The following DSCAM variants were observed in gnomAD, a reference collection of about 807,000 sequenced individuals.
DSCAM encodes cell adhesion molecule DSCAM.
Under a neutral mutation model 217.7 loss-of-function variants are expected in DSCAM, and 47 were observed. That is an observed-to-expected ratio of 0.22 (90% CI 0.17 to 0.28). The LOEUF (loss-of-function observed/expected upper bound fraction) is 0.28, where lower values mean the gene tolerates loss of function less well. DSCAM is among the 10% of genes least tolerant of loss of function. The pLI, the probability that DSCAM is intolerant of heterozygous loss-of-function variation, is 1.00. For synonymous variants in DSCAM, 1,056 were observed against 1,015.3 expected (o/e 1.04, Z -0.76); for missense variants, 2,080 against 2,618.3 (o/e 0.79, Z 4.49).
intron 16 of DSCAM, among the ~76,000 whole-genome samples, chr21:40,165,450 T>C (rs2205143): frequency 0.17 from 26,007 of 152,182 alleles, 2,598 homozygotes; most frequent in East Asian, 0.35. Context: ...ACTACAGAGA[T>C]AGATTGCACT....
intron 3 of DSCAM, among the ~76,000 whole-genome samples, chr21:40,414,303 T>G (rs1020778108): frequency 6.6e-6 from 1 of 152,208 alleles, no homozygotes; most frequent in Non-Finnish European, 1.5e-5. Context: ...AAGTCTTCTT[T>G]GCCATTTACA....
intron 3 of DSCAM, among the ~76,000 whole-genome samples, chr21:40,453,462 A>C (rs1249991171): frequency 1.3e-5 from 2 of 152,208 alleles, no homozygotes; most frequent in Non-Finnish European, 2.9e-5. Context: ...AAACGCCTGC[A>C]ACAACAAAAT....
At chr21:40,588,158 C>G (rs983097602) in intron 3 of DSCAM, among the ~76,000 whole-genome samples, 1 of 152,102 alleles carries the variant, frequency 6.6e-6, no homozygotes, top group African/African-American at 2.4e-5. Flanking sequence ...TTGGCGGGCC[C>G]CTCAGCTGCT....
intron 1 of DSCAM, among the ~76,000 whole-genome samples, chr21:40,763,614 C>CA (rs2091358400): frequency 6.6e-6 from 1 of 152,064 alleles, no homozygotes; most frequent in Admixed American, 6.5e-5. Flanking sequence ...CATACGGAAT[C>CA]AAAAAAGAGC....
intron 32 of DSCAM, among the ~76,000 whole-genome samples, chr21:40,013,748 G>T (rs1245827966): frequency 6.6e-6 from 1 of 152,152 alleles, no homozygotes; most frequent in African/African-American, 2.4e-5. Context: ...ACCAAACCCC[G>T]CATGTGATTG....
chr21:40,044,423 T>A, intron 30 of DSCAM, 148 bp from the exon 31 acceptor site: 1 of 729,966 alleles, frequency 1.4e-6, no homozygotes, highest in East Asian at 2.7e-5. Context: ...GTGCAGAGGA[T>A]ACTTTCCCTT....
intron 11 of DSCAM, among the ~76,000 whole-genome samples, chr21:40,240,670 T>A (rs1015896963): frequency 3.3e-5 from 5 of 152,174 alleles, no homozygotes; most frequent in Admixed American, 6.5e-5. Context: ...ATAGCTCCAA[T>A]GCCCCCTCCT....
At chr21:40,266,635 T>TTATATATATATATATATATATA (rs71186923) in intron 11 of DSCAM, among the ~76,000 whole-genome samples, 8 of 62,628 alleles carry the variant, frequency 1.3e-4, no homozygotes, top group East Asian at 4.8e-4. Context: ...CAAAGATGTT[T>TTATATATATATATATATATATA]TATATATATA....
intron 3 of DSCAM, among the ~76,000 whole-genome samples, chr21:40,528,321 C>T (rs995042953): frequency 6.6e-6 from 1 of 152,136 alleles, no homozygotes; most frequent in South Asian, 2.1e-4. Flanking sequence ...AAAGTGGCTT[C>T]CTCTGAGAAC....
intron 2 of DSCAM, among the ~76,000 whole-genome samples, chr21:40,707,170 AATT>A (rs1329198343): frequency 6.6e-6 from 1 of 152,238 alleles, no homozygotes; most frequent in Non-Finnish European, 1.5e-5. Flanking sequence ...AGCTGTTTGA[AATT>A]CTAGGTTTCC....
At chr21:40,690,342 G>A (rs2090525791) in intron 3 of DSCAM, among the ~76,000 whole-genome samples, 1 of 152,112 alleles carries the variant, frequency 6.6e-6, no homozygotes, top group Non-Finnish European at 1.5e-5. Flanking sequence ...TCATTTACAA[G>A]GTCATTTTTA....
chr21:40,174,680 G>A (rs1339711744), intron 15 of DSCAM, among the ~76,000 whole-genome samples: 1 of 152,070 alleles, frequency 6.6e-6, no homozygotes, highest in African/African-American at 2.4e-5. Context: ...CCTCTGGGAT[G>A]GCCACTCCAT....
intron 8 of DSCAM, among the ~76,000 whole-genome samples, chr21:40,329,994 A>T (rs2074359112): frequency 6.6e-6 from 1 of 151,972 alleles, no homozygotes; most frequent in African/African-American, 2.4e-5. Context: ...TGTATTCTTG[A>T]AAAATGTTTA....
At chr21:40,742,620 A>C (rs2091135223) in intron 1 of DSCAM, among the ~76,000 whole-genome samples, 1 of 152,230 alleles carries the variant, frequency 6.6e-6, no homozygotes, top group Non-Finnish European at 1.5e-5. Context: ...ATACATATAC[A>C]CAAATAAAGA....
In DSCAM at chr21:40,338,264, G is replaced by A. The variant is rs1373955585; in HGVS notation, c.1620C>T (p.Asn540=). Residue 540 remains asparagine, a synonymous_variant, in exon 8 of 33, where the codon AAC becomes AAT. Transcript: ENST00000400454. ...GGTGGTTGAAAGGAAGCAGGTTAGA[G>A]TTCTTGTACCATTTAATGGAGTAAT... ...YPYYSIKWYK[N]SNLLPFNHRQ... The A allele has an allele frequency of 6.2e-7, 1 of 1,614,250 alleles. No homozygotes were observed. The highest frequency in any genetic ancestry group is 8.5e-7 in the Non-Finnish European group (1 of 1,180,048).
chr21:40,418,775 A>G (rs1475883038), intron 3 of DSCAM, among the ~76,000 whole-genome samples: 3 of 152,170 alleles, frequency 2.0e-5, no homozygotes, highest in Non-Finnish European at 4.4e-5. Context: ...AGGACTGAAA[A>G]CAGTAGAATA....
At chr21:40,783,304 G>A (rs906290607) in intron 1 of DSCAM, among the ~76,000 whole-genome samples, 16 of 152,130 alleles carry the variant, frequency 1.1e-4, no homozygotes, top group African/African-American at 3.6e-4. Flanking sequence ...GACCAGCACC[G>A]GCACATGGGA....
intron 3 of DSCAM, among the ~76,000 whole-genome samples, chr21:40,687,706 C>T (rs1401926789): frequency 6.6e-6 from 1 of 152,170 alleles, no homozygotes; most frequent in Non-Finnish European, 1.5e-5. Flanking sequence ...AAATCACAAC[C>T]TCCTTTCTGA....
In DSCAM at chr21:40,765,680, C is replaced by T. The variant is rs115319420; in HGVS notation, c.44-56909G>A. On this transcript the variant is annotated intron_variant, in intron 1 of 32. Transcript: ENST00000400454. ...AACATTTGTGAGAAGGTGTTTCCTCCAGAAAAAATTAGTTCAGGGACATTT... is the reference window on the plus strand; with the variant it reads ...AACATTTGTGAGAAGGTGTTTCCTCTAGAAAAAATTAGTTCAGGGACATTT... Among the ~76,000 whole-genome samples the T allele has an allele frequency of 6.5e-3, 993 of 152,192 alleles. 11 individuals carry two copies. The highest frequency in any genetic ancestry group is 0.022 in the African/African-American group (894 of 41,514).
Sources: gnomAD v4.1 joint callset for allele counts (sites outside exome capture counted in the v4.1 genomes callset) on GRCh38, gnomAD v4.1.1 for gene constraint, MANE v1.5 for transcripts, NCBI Gene and HGNC (gene_info 2026-07-23, HGNC 2026-07-21) for gene names.